Variants in DCC observed in about 807,000 individuals in gnomAD.
DCC encodes netrin receptor DCC.
A neutral mutation model predicts 172.5 loss-of-function variants in DCC; 58 were observed. The ratio of observed to expected loss-of-function variants is 0.34; its 90% CI spans 0.27 to 0.42. The LOEUF (loss-of-function observed/expected upper bound fraction) is 0.42, where lower values mean the gene tolerates loss of function less well. DCC is among the 10% of genes least tolerant of loss of function. The pLI, the probability that DCC is intolerant of heterozygous loss-of-function variation, is 1.00. For missense variants in DCC, 1,740 were observed against 1,791.0 expected, an observed-to-expected ratio of 0.97 and a Z score of 0.51; for synonymous variants, 709 against 644.5, an observed-to-expected ratio of 1.10 and a Z score of -1.52.
At chr18:52,721,535 T>C (rs974113323) in intron 1 of DCC, among the ~76,000 whole-genome samples, 1 of 152,194 alleles carries the variant, frequency 6.6e-6, no homozygotes, top group African/African-American at 2.4e-5. Context: ...AACTCCTAGA[T>C]AATATCTTAC....
intron 25 of DCC, among the ~76,000 whole-genome samples, chr18:53,471,162 A>C (rs570297167): frequency 1.3e-5 from 2 of 152,270 alleles, no homozygotes; most frequent in African/African-American, 4.8e-5. Context: ...CAAAAAAACT[A>C]TTCGTATTTT....
chr18:52,493,186 A>G (rs117829651), intron 1 of DCC, among the ~76,000 whole-genome samples: 1,525 of 152,154 alleles, frequency 0.01, 58 homozygotes, highest in Admixed American at 0.064. Context: ...TACATTTTCC[A>G]GGGAGTGATA....
chr18:53,253,041 CGT>C (rs2056458646), intron 12 of DCC, among the ~76,000 whole-genome samples: 2 of 151,696 alleles, frequency 1.3e-5, no homozygotes, highest in Admixed American at 1.3e-4. Context: ...GTACCATTTT[CGT>C]ATTAATCAAA....
intron 7 of DCC, among the ~76,000 whole-genome samples, chr18:53,151,289 T>C (rs183576034): frequency 6.6e-6 from 1 of 152,318 alleles, no homozygotes; most frequent in East Asian, 1.9e-4. Flanking sequence ...AAATAACTTT[T>C]CTACCCAAAC....
chr18:52,381,311 T>G (rs1356827850), intron 1 of DCC, among the ~76,000 whole-genome samples: 1 of 152,160 alleles, frequency 6.6e-6, no homozygotes, highest in Admixed American at 6.5e-5. Context: ...TGGTGCAGCA[T>G]TTTAGAAAGA....
At chr18:52,972,965 G>A (rs2041053944) in intron 5 of DCC, among the ~76,000 whole-genome samples, 1 of 152,180 alleles carries the variant, frequency 6.6e-6, no homozygotes, top group African/African-American at 2.4e-5. Context: ...AACAAAAGAA[G>A]TAATCATCTA....
intron 5 of DCC, among the ~76,000 whole-genome samples, chr18:52,950,084 T>C (rs2040612133): frequency 6.6e-6 from 1 of 152,172 alleles, no homozygotes; most frequent in Non-Finnish European, 1.5e-5. Context: ...GCTTAAACTT[T>C]CCATTTCTAT....
At chr18:53,482,977 C>T (rs1198358987) in intron 25 of DCC, among the ~76,000 whole-genome samples, 3 of 151,858 alleles carry the variant, frequency 2.0e-5, no homozygotes, top group African/African-American at 7.2e-5. Flanking sequence ...TATCAAGTCA[C>T]TCTAAAAGTC....
intron 5 of DCC, chr18:52,941,228 G>A (rs1341615421): frequency 6.6e-6 from 1 of 152,054 alleles, no homozygotes; most frequent in African/African-American, 2.4e-5. Context: ...TAAATTTACT[G>A]ATGCTGTTCC....
chr18:52,918,701 T>C (rs543815715), intron 3 of DCC, among the ~76,000 whole-genome samples: 28 of 152,254 alleles, frequency 1.8e-4, no homozygotes, highest in African/African-American at 6.5e-4. Flanking sequence ...AATATAAATA[T>C]ACTTTCTTAA....
chr18:52,894,790 C>T (rs2039704693), intron 2 of DCC, among the ~76,000 whole-genome samples: 1 of 152,110 alleles, frequency 6.6e-6, no homozygotes, highest in Non-Finnish European at 1.5e-5. Flanking sequence ...TTTTATTCTG[C>T]TTCTTGTTCT....
chr18:53,031,249 ACTCT>A (rs1222351121), intron 5 of DCC, among the ~76,000 whole-genome samples: 1 of 151,944 alleles, frequency 6.6e-6, no homozygotes, highest in Non-Finnish European at 1.5e-5. Flanking sequence ...ACAGAGCAAA[ACTCT>A]CTCTCAATAA....
intron 1 of DCC, among the ~76,000 whole-genome samples, chr18:52,728,648 G>T (rs555907762): frequency 6.6e-6 from 1 of 152,198 alleles, no homozygotes; most frequent in Admixed American, 6.6e-5. Context: ...GTCTCTGGAT[G>T]TAGAGAATTA....
chr18:53,137,223 G>A (rs1443729871), intron 7 of DCC, among the ~76,000 whole-genome samples: 2 of 152,204 alleles, frequency 1.3e-5, no homozygotes, highest in Non-Finnish European at 2.9e-5. Flanking sequence ...GGTCTCCCCA[G>A]GCTCCAATCC....
chr18:52,861,600 ATAAT>A (rs2039143243), intron 2 of DCC, among the ~76,000 whole-genome samples: 1 of 152,244 alleles, frequency 6.6e-6, no homozygotes, highest in Admixed American at 6.5e-5. Flanking sequence ...CTATAAAGAA[ATAAT>A]TCTTGACTCT....
At chr18:52,751,897 T>C in intron 1 of DCC, 157 bp from the exon 2 acceptor site, 1 of 654,298 alleles carries the variant, frequency 1.5e-6, no homozygotes, top group South Asian at 1.9e-5. Flanking sequence ...TTTTTGCTTA[T>C]TTAACATAAT....
intron 3 of DCC, among the ~76,000 whole-genome samples, chr18:52,908,536 T>A (rs1598919167): frequency 6.6e-6 from 1 of 152,186 alleles, no homozygotes; most frequent in East Asian, 1.9e-4. Flanking sequence ...TATCTTAATA[T>A]GACAGGAAAA....
At chr18:53,360,362 A>G (rs1178765337) in intron 15 of DCC, among the ~76,000 whole-genome samples, 2 of 152,142 alleles carry the variant, frequency 1.3e-5, no homozygotes, top group Non-Finnish European at 2.9e-5. Flanking sequence ...TATGTGAGTT[A>G]TTTACATATT....
chr18:52,418,063 T>C (rs1199571609), intron 1 of DCC, among the ~76,000 whole-genome samples: 1 of 152,214 alleles, frequency 6.6e-6, no homozygotes, highest in East Asian at 1.9e-4. Flanking sequence ...TCAAATTTTG[T>C]TCTTTAGTTC....
Sources: allele counts gnomAD v4.1 joint callset (sites outside exome capture counted in the v4.1 genomes callset), GRCh38; gene constraint gnomAD v4.1.1; transcripts MANE v1.5; gene names NCBI Gene and HGNC (gene_info 2026-07-23, HGNC 2026-07-21).